PCDHGA2: variants seen among roughly 807,000 people sequenced by gnomAD.
PCDHGA2 encodes protocadherin gamma-A2.
Under a neutral mutation model 59.2 loss-of-function variants are expected in PCDHGA2, and 40 were observed. That is an observed-to-expected ratio of 0.68 (90% CI 0.52 to 0.88). The LOEUF is 0.88. Among genes scored for constraint, PCDHGA2 ranks in the 40% least tolerant of loss-of-function variants. The probability of loss-of-function intolerance (pLI) is 0.00; values close to 1 mark genes in which losing one functional copy is unlikely to be tolerated. For missense variants in PCDHGA2, 1,226 were observed against 1,204.0 expected, an observed-to-expected ratio of 1.02 and a Z score of -0.27; for synonymous variants, 560 against 526.0, an observed-to-expected ratio of 1.06 and a Z score of -0.89.
In PCDHGA2 at chr5:141,339,461, G is replaced by T; in HGVS notation, c.490G>T (p.Glu164Ter). The stretch of plus-strand genomic sequence containing the variant: ...GAATGCGCATGATGCAGACGTAGGT[G>T]AGAACGCCCTTCAGAAGTACGCACT... Reference protein sequence around the residue: ...LKNAHDADVGENALQKYALNP... With the variant: ...LKNAHDADVG Residue 164 changes from glutamate (E) to a stop codon, truncating the protein, a stop_gained, in exon 1 of 4, where the codon GAG becomes TAG. Coordinates refer to ENST00000394576, the MANE Select transcript of PCDHGA2 (RefSeq NM_018915.4). LOFTEE classifies it high-confidence loss of function. 3 of 1,614,212 alleles carry T rather than the reference G, an allele frequency of 1.9e-6. No individual in the cohort carries two copies. Among genetic ancestry groups the T allele is most frequent in the Non-Finnish European group, 2.5e-6 (3 of 1,180,034 alleles).
At chr5:141,399,063 A>C in intron 1 of PCDHGA2, 1 of 1,613,714 alleles carries the variant, frequency 6.2e-7, no homozygotes. Flanking sequence ...AGGAATATTC[A>C]ATGGTTGTAG....
rs538762155 is a variant in PCDHGA2 at position 141,345,469 on chromosome 5, C to A, written c.2424+4074C>A. The A allele has an allele frequency of 2.5e-6, 4 of 1,614,122 alleles. No individual in the cohort carries two copies. The East Asian group carries it at 6.7e-5, about 27-fold the overall frequency. Reference sequence around the variant, plus strand: ...ATCTTCTCAGTGACAGCCCAGGACCCAGATAGCAACAACAACGCCCGCATC... The same window carrying A: ...ATCTTCTCAGTGACAGCCCAGGACCAAGATAGCAACAACAACGCCCGCATC... On this transcript the variant is annotated intron_variant, in intron 1 of 3. Coordinates refer to ENST00000394576, the MANE Select transcript of PCDHGA2 (RefSeq NM_018915.4).
In PCDHGA2 at chr5:141,393,826, A is replaced by T. The variant is rs1182278213; in HGVS notation, c.2424+52431A>T. 6.2e-7 allele frequency: 1 copy of T among 1,613,988 alleles called. No homozygotes were observed. Among genetic ancestry groups the T allele is most frequent in the African/African-American group, 1.3e-5 (1 of 75,050 alleles). Reference sequence around the variant, plus strand: ...AGGACCAAATTGCTCATTTCGGTGGAAGATGTAAATGACAATAGACCAGAA... The same window carrying T: ...AGGACCAAATTGCTCATTTCGGTGGTAGATGTAAATGACAATAGACCAGAA... On this transcript the variant is annotated intron_variant, in intron 1 of 3. Coordinates refer to ENST00000394576, the MANE Select transcript of PCDHGA2 (RefSeq NM_018915.4).
chr5:141,345,870 G>A (rs201026497), intron 1 of PCDHGA2: 2 of 1,613,440 alleles, frequency 1.2e-6, no homozygotes, highest in Non-Finnish European at 1.7e-6. Context: ...CAAGGCCAGC[G>A]AGCCGGGACT....
chr5:141,355,458 C>A, intron 1 of PCDHGA2: 2 of 1,614,050 alleles, frequency 1.2e-6, no homozygotes, highest in Non-Finnish European at 1.7e-6. Context: ...CCTTGGTCAC[C>A]GCGGGTAGGA....
rs186484297 is a variant in PCDHGA2 at position 141,453,739 on chromosome 5, A to G, written c.2425-41068A>G. ...TAAAAATATTTGTTACTACAGCTTA[A>G]ATAACATAAGTCTCCTAAAAATAAT... On this transcript the variant is annotated intron_variant, in intron 1 of 3. Coordinates refer to ENST00000394576, the MANE Select transcript of PCDHGA2 (RefSeq NM_018915.4). Among the ~76,000 whole-genome samples, 2 of 152,370 alleles carry G rather than the reference A, an allele frequency of 1.3e-5. 1 individual carries two copies. Among genetic ancestry groups the G allele is most frequent in the Admixed American group, 1.3e-4 (2 of 15,300 alleles).
intron 1 of PCDHGA2, among the ~76,000 whole-genome samples, chr5:141,444,229 T>G (rs957213677): frequency 4.6e-5 from 6 of 130,226 alleles, no homozygotes; most frequent in Admixed American, 9.4e-5. Context: ...TGGAGTGCAA[T>G]GGCATGCTCT....
intron 1 of PCDHGA2, chr5:141,423,398 G>C (rs767594062): frequency 6.8e-6 from 11 of 1,614,172 alleles, no homozygotes; most frequent in Non-Finnish European, 9.3e-6. Context: ...CATAAGTCAC[G>C]CCTGCTGCAG....
chr5:141,341,269 C>A lies in PCDHGA2; in HGVS notation c.2298C>A (p.Ser766Arg). ...CCCTCACTGCGGACTCGCGGAAGAG[C>A]CACCTGATTTTCCCCCAGCCCAACT... ...EVSLTADSRKSHLIFPQPNYA... is the reference protein window; with the variant it reads ...EVSLTADSRKRHLIFPQPNYA... The change falls in exon 1 of 4, where the codon AGC becomes AGA. Residue 766 changes from serine to arginine, a missense_variant. By Grantham distance (110) the Ser-to-Arg change is moderately radical. Transcript: ENST00000394576. 1.2e-6 allele frequency: 2 copies of A among 1,614,220 alleles called. No homozygotes were observed. The highest frequency in any genetic ancestry group is 4.5e-5 in the East Asian group (2 of 44,880).
At chr5:141,342,030 G>A (rs899138698) in intron 1 of PCDHGA2, 1 of 152,902 alleles carries the variant, frequency 6.5e-6, no homozygotes, top group East Asian at 1.9e-4. Flanking sequence ...TAACCTCTAA[G>A]CTATATGCTT....
chr5:141,357,119 A>G, intron 1 of PCDHGA2: 5 of 1,613,654 alleles, frequency 3.1e-6, no homozygotes, highest in African/African-American at 1.3e-5. Context: ...GCGCTCAAGC[A>G]GAGGCTTGTA....
chr5:141,354,988 A>G (rs1434230947), intron 1 of PCDHGA2: 4 of 629,658 alleles, frequency 6.4e-6, no homozygotes, highest in Non-Finnish European at 9.8e-6. Flanking sequence ...CTGTTCACCA[A>G]TCAGGGGGAA....
intron 1 of PCDHGA2, chr5:141,377,686 C>T (rs766172227): frequency 1.1e-4 from 16 of 151,986 alleles, no homozygotes; most frequent in African/African-American, 2.9e-4. Context: ...AGATCTTTCA[C>T]CTTTACTACT....
At chr5:141,408,683 G>C in intron 1 of PCDHGA2, 2 of 1,613,906 alleles carry the variant, frequency 1.2e-6, no homozygotes, top group Non-Finnish European at 1.7e-6. Flanking sequence ...CACGGATCCT[G>C]ATATAAACAT....
At position 141,487,667 on chromosome 5, in the gene PCDHGA2, ATATGGCTAGGCCATG is replaced by A; in HGVS notation, c.2425-7138_2425-7124del. 1.9e-6 allele frequency: 3 copies of A among 1,612,782 alleles called. No individual in the cohort carries two copies. In the South Asian group the frequency reaches 3.3e-5, roughly 18 times the overall value. ...GCTTGAGGGTTATTCTGATCCAGGC[ATATGGCTAGGCCATG>A]TCCTAGAGAGTACTGGCCTCTCAGT... On this transcript the variant is annotated intron_variant, in intron 1 of 3. Transcript: ENST00000394576. The surrounding 1 kb of genome is among the most constrained non-coding windows in gnomAD (Gnocchi z 5.0).
intron 1 of PCDHGA2, chr5:141,383,327 T>G (rs576010988): frequency 1.2e-6 from 2 of 1,613,978 alleles, no homozygotes; most frequent in South Asian, 2.2e-5. Context: ...GTAAAAATAA[T>G]GGAGAATACA....
chr5:141,498,971 G>GGGAAGGAAGGAAGGAAGGAAGGAA (rs201769957), intron 2 of PCDHGA2, among the ~76,000 whole-genome samples: 2 of 110,972 alleles, frequency 1.8e-5, no homozygotes, highest in African/African-American at 3.6e-5. Context: ...GAGGGAGGGA[G>GGGAAGGAAGGAAGGAAGGAAGGAA]GGAAGGAAGG....
At chr5:141,464,676 T>A (rs1337677151) in intron 1 of PCDHGA2, among the ~76,000 whole-genome samples, 1 of 152,176 alleles carries the variant, frequency 6.6e-6, no homozygotes. Flanking sequence ...ATAATTTTAA[T>A]TAAAATTTCT....
chr5:141,438,619 TATATATATATATATATACAC>T (rs1310378007), intron 1 of PCDHGA2, among the ~76,000 whole-genome samples: 16 of 39,678 alleles, frequency 4.0e-4, no homozygotes, highest in African/African-American at 1.2e-3. Flanking sequence ...TATATATATA[TATATATATATATATATACAC>T]ACACACACAC....
Sources: gnomAD v4.1 joint callset for allele counts (sites outside exome capture counted in the v4.1 genomes callset) on GRCh38, gnomAD v4.1.1 for gene constraint, Gnocchi (gnomAD v3.1) non-coding constraint, MANE v1.5 for transcripts, NCBI Gene and HGNC (gene_info 2026-07-23, HGNC 2026-07-21) for gene names.